The following CELF2 variants were observed in gnomAD, a reference collection of about 807,000 sequenced individuals.
CELF2 encodes CUGBP Elav-like family member 2.
CELF2 carries 8 observed loss-of-function variants against 62.6 expected under a neutral mutation model. That is an observed-to-expected ratio of 0.13 (90% CI 0.07 to 0.23). The LOEUF is 0.23. CELF2 is among the 10% of genes least tolerant of loss of function. CELF2 has a pLI of 1.00. For synonymous variants in CELF2, 258 were observed against 250.0 expected (o/e 1.03, Z -0.30); for missense variants, 333 against 671.0 (o/e 0.50, Z 5.56).
At chr10:11,106,037 C>T (rs930387307) in intron 1 of CELF2, among the ~76,000 whole-genome samples, 8 of 152,142 alleles carry the variant, frequency 5.3e-5, no homozygotes, top group Non-Finnish European at 8.8e-5. Flanking sequence ...ACCAGGGCTT[C>T]ATATTGCAGA....
the CELF2 span, among the ~76,000 whole-genome samples, chr10:10,513,626 A>C: frequency 2.0e-5 from 3 of 152,230 alleles, no homozygotes; most frequent in African/African-American, 7.2e-5. Flanking sequence ...TATAGCAGAA[A>C]GTTCAAATTA....
rs75622399 is a variant in CELF2 at position 11,172,463 on chromosome 10, A to G, written c.271+6781A>G. 1.9e-3 allele frequency among the ~76,000 whole-genome samples: 289 copies of G among 152,344 alleles called. 1 individual carries two copies. The highest frequency in any genetic ancestry group is 0.014 in the Middle Eastern group (4 of 294). ...ATTTTTACTGATACTGACTCTAGCC[A>G]TTGTGCTGATTGAGATAAAGCCAGG... On this transcript the variant is annotated intron_variant, in intron 2 of 12. Transcript: ENST00000633077.
At chr10:10,866,859 G>A (rs1370818747) in intron 1 of CELF2, among the ~76,000 whole-genome samples, 2 of 148,560 alleles carry the variant, frequency 1.3e-5, no homozygotes, top group Admixed American at 1.4e-4. Context: ...GGCAGAGGTT[G>A]CAGTGAGCTG....
chr10:11,062,934 G>A (rs1486013429), intron 1 of CELF2, among the ~76,000 whole-genome samples: 1 of 77,256 alleles, frequency 1.3e-5, no homozygotes, highest in Admixed American at 1.2e-4. Flanking sequence ...ACATCCTTCA[G>A]CAGCACCCCC....
intron 2 of CELF2, among the ~76,000 whole-genome samples, chr10:11,170,992 G>A (rs1227652782): frequency 1.3e-5 from 2 of 152,178 alleles, no homozygotes; most frequent in Non-Finnish European, 2.9e-5. Context: ...TAGAAGGTAG[G>A]AACAGCACCT....
rs944333655 is a variant in CELF2, at chr10:11,178,513, G to A, written c.271+12831G>A. 1.3e-5 allele frequency among the ~76,000 whole-genome samples: 2 copies of A among 152,212 alleles called. No homozygotes were observed. The highest frequency in any genetic ancestry group is 4.8e-5 in the African/African-American group (2 of 41,452). On this transcript the variant is annotated intron_variant, in intron 2 of 12. Transcript: ENST00000633077. The surrounding 1 kb of genome is among the most constrained non-coding windows in gnomAD (Gnocchi z 4.3). ...AAATTAAAGACACACTTTTGTAATC[G>A]TATATTTTAGGCTTTCCTCTCTACC...
chr10:11,022,278 A>C (rs10795842), intron 1 of CELF2, among the ~76,000 whole-genome samples: 2 of 152,062 alleles, frequency 1.3e-5, no homozygotes, highest in Non-Finnish European at 2.9e-5. Flanking sequence ...GGAAGAATTC[A>C]TCCCACATTG....
intron 12 of CELF2, among the ~76,000 whole-genome samples, chr10:11,327,117 A>T (rs1162952882): frequency 7.1e-6 from 1 of 140,680 alleles, no homozygotes; most frequent in East Asian, 2.3e-4. Context: ...GTCGGGACCC[A>T]TTCGGCGGCT....
At chr10:11,162,540 A>G (rs1435511156) in intron 1 of CELF2, among the ~76,000 whole-genome samples, 2 of 150,440 alleles carry the variant, frequency 1.3e-5, no homozygotes, top group Non-Finnish European at 2.9e-5. Flanking sequence ...GAAGAAGGGA[A>G]TCTGTGGAGA....
intron 1 of CELF2, among the ~76,000 whole-genome samples, chr10:10,865,666 C>G (rs1330648224): frequency 2.0e-5 from 3 of 152,140 alleles, no homozygotes; most frequent in Non-Finnish European, 4.4e-5. Flanking sequence ...ATTTCAAACC[C>G]ACTAGGTTGA....
At chr10:10,621,243 C>CA in the CELF2 span, among the ~76,000 whole-genome samples, 2,539 of 44,028 alleles carry the variant, frequency 0.058, 91 homozygotes, top group African/African-American at 0.096. Context: ...GACTCTGACT[C>CA]AAAAAAAAAA....
At chr10:10,814,343 C>G (rs770923031) in intron 1 of CELF2, among the ~76,000 whole-genome samples, 1 of 151,172 alleles carries the variant, frequency 6.6e-6, no homozygotes, top group Admixed American at 6.6e-5. Context: ...GAACTTGACT[C>G]TCTTTGTCTT....
rs2065312415 is a variant in CELF2 at position 11,159,931 on chromosome 10, C to T, written c.75-5555C>T. 6.6e-6 allele frequency among the ~76,000 whole-genome samples: 1 copy of T among 152,180 alleles called. No individual in the cohort carries two copies. The highest frequency in any genetic ancestry group is 1.5e-5 in the Non-Finnish European group (1 of 68,022). ...GGACATTAAGAAGAGCATTGGCATA[C>T]CTGGCAAGAGATGGGGCTCTCGCAG... On this transcript the variant is annotated intron_variant, in intron 1 of 12. Transcript: ENST00000633077. The surrounding 1 kb of genome is among the most constrained non-coding windows in gnomAD (Gnocchi z 5.0).
At chr10:10,904,369 G>A (rs566458032) in intron 1 of CELF2, among the ~76,000 whole-genome samples, 9 of 151,986 alleles carry the variant, frequency 5.9e-5, no homozygotes, top group East Asian at 3.9e-4. Context: ...TGGGACTACC[G>A]GCATGTGTCA....
rs777930476 is a variant in CELF2, at chr10:11,011,549, C to T, written c.53+6109C>T. Among the ~76,000 whole-genome samples the T allele has an allele frequency of 3.3e-5, 5 of 151,918 alleles. No homozygotes were observed. Among genetic ancestry groups the T allele is most frequent in the Non-Finnish European group, 5.9e-5 (4 of 68,004 alleles). ...TAATGTCATTTACATCTCTCCTCTTCTCTTACCTGCCCTATTCCTATGAAA... is the reference window on the plus strand; with the variant it reads ...TAATGTCATTTACATCTCTCCTCTTTTCTTACCTGCCCTATTCCTATGAAA... On this transcript the variant is annotated intron_variant, in intron 1 of 12. Transcript: ENST00000416382. The surrounding 1 kb of genome is among the most constrained non-coding windows in gnomAD (Gnocchi z 4.6).
At chr10:10,946,156 G>A (rs1249700858) in intron 2 of CELF2, 4 of 152,654 alleles carry the variant, frequency 2.6e-5, no homozygotes, top group South Asian at 2.1e-4. Context: ...TCCTGGCTCT[G>A]TCATTAAAAC....
chr10:10,963,541 A>G (rs1376403547), intron 2 of CELF2, among the ~76,000 whole-genome samples: 2 of 152,206 alleles, frequency 1.3e-5, no homozygotes, highest in East Asian at 1.9e-4. Context: ...AGAGAAATGC[A>G]TGTGAAGAAT....
rs1407065335 is a variant in CELF2 at position 11,297,225 on chromosome 10, C to G, written c.976+8673C>G. On this transcript the variant is annotated intron_variant, in intron 9 of 12. Transcript: ENST00000633077. This position sits in a 1 kb window ranked among gnomAD's most constrained non-coding sequence, Gnocchi z 4.4. ...GATCGGACGTGGCACATGGAGAGCT[C>G]AAGTGCACATGAACGGACATTCCGT... Among the ~76,000 whole-genome samples, 1 of 152,124 alleles carries G rather than the reference C, an allele frequency of 6.6e-6. No individual in the cohort carries two copies. The highest frequency in any genetic ancestry group is 1.5e-5 in the Non-Finnish European group (1 of 68,030).
intron 1 of CELF2, among the ~76,000 whole-genome samples, chr10:10,885,173 G>C (rs1013523291): frequency 6.6e-6 from 1 of 151,892 alleles, no homozygotes; most frequent in African/African-American, 2.4e-5. Context: ...AACACGGTAG[G>C]TGGAGGTTGC....
Sources: allele counts gnomAD v4.1 joint callset (sites outside exome capture counted in the v4.1 genomes callset), GRCh38; gene constraint gnomAD v4.1.1; non-coding constraint Gnocchi (gnomAD v3.1); transcripts MANE v1.5; gene names NCBI Gene and HGNC (gene_info 2026-07-23, HGNC 2026-07-21).